MTUS2: variants seen among roughly 807,000 people sequenced by gnomAD.
MTUS2 encodes the protein microtubule associated scaffold protein 2.
In MTUS2, 40 loss-of-function variants were observed where a neutral mutation model predicts 114.1. That is an observed-to-expected ratio of 0.35 (90% CI 0.27 to 0.46). The LOEUF is 0.46. MTUS2 is among the 20% of genes least tolerant of loss of function. MTUS2 has a pLI of 1.00. For synonymous variants in MTUS2, 688 were observed against 672.0 expected (o/e 1.02, Z -0.37); for missense variants, 1,679 against 1,705.4 (o/e 0.98, Z 0.27).
At chr13:29,433,640 G>A (rs766512414) in intron 8 of MTUS2, among the ~76,000 whole-genome samples, 10 of 152,156 alleles carry the variant, frequency 6.6e-5, no homozygotes, top group Admixed American at 2.6e-4. Context: ...GAGTGCGATA[G>A]CCACAAAAGG....
At chr13:29,273,451 G>A (rs1476721890) in intron 5 of MTUS2, among the ~76,000 whole-genome samples, 2 of 152,162 alleles carry the variant, frequency 1.3e-5, no homozygotes, top group Admixed American at 1.3e-4. Flanking sequence ...AAGAACACTA[G>A]GAGTCTCTCA....
At chr13:29,270,648 G>C (rs943203060) in intron 5 of MTUS2, among the ~76,000 whole-genome samples, 53 of 152,330 alleles carry the variant, frequency 3.5e-4, no homozygotes, top group Admixed American at 1.4e-3. Context: ...GGCACGTGGG[G>C]CTGGTACCAT....
In MTUS2 at chr13:29,033,928, A is replaced by T. The variant is rs754241974; in HGVS notation, c.2249A>T (p.Tyr750Phe). ...PGKEEFCSPP[Y>F]AHYEVPPTFY... ...AAAGAAGAGTTTTGTTCTCCTCCCT[A>T]TGCTCATTATGAAGTCCCTCCAACT... Residue 750 changes from tyrosine to phenylalanine, a missense_variant, in exon 4 of 16, where the codon TAT becomes TTT. Around this residue, in one of 3 missense-constraint regions of MTUS2, gnomAD observed 822 missense variants for 899.7 expected, o/e 0.91. Coordinates refer to ENST00000612955, the MANE Select transcript of MTUS2 (RefSeq NM_001033602.4). The T allele has an allele frequency of 5.0e-6, 8 of 1,613,984 alleles. No homozygotes were observed. The Admixed American group carries it at 1.2e-4, about 24-fold the overall frequency.
chr13:29,244,704 C>T (rs948404163), intron 5 of MTUS2, among the ~76,000 whole-genome samples: 1 of 151,934 alleles, frequency 6.6e-6, no homozygotes, highest in Non-Finnish European at 1.5e-5. Flanking sequence ...CGCCTGTAAT[C>T]CCAGCACTTT....
At chr13:29,158,536 G>C (rs1454366057) in intron 5 of MTUS2, among the ~76,000 whole-genome samples, 6 of 151,736 alleles carry the variant, frequency 4.0e-5, no homozygotes, top group Non-Finnish European at 7.4e-5. Context: ...ATTCAAGAGA[G>C]CTGTTTTTCA....
intron 9 of MTUS2, among the ~76,000 whole-genome samples, chr13:29,466,708 C>T (rs920105948): frequency 1.3e-5 from 2 of 151,902 alleles, no homozygotes; most frequent in African/African-American, 2.4e-5. Flanking sequence ...GAAACCCCAT[C>T]TCTACCAAAC....
intron 1 of MTUS2, among the ~76,000 whole-genome samples, chr13:28,820,843 A>G (rs1431338749): frequency 6.6e-6 from 1 of 152,126 alleles, no homozygotes; most frequent in East Asian, 1.9e-4. Context: ...CAGGTTCAAC[A>G]CCCACTGCTT....
At chr13:29,440,595 G>A (rs757320159) in intron 9 of MTUS2, among the ~76,000 whole-genome samples, 3 of 152,086 alleles carry the variant, frequency 2.0e-5, no homozygotes, top group South Asian at 2.1e-4. Context: ...GGCTTTCACC[G>A]TAGGTCAAGG....
intron 8 of MTUS2, among the ~76,000 whole-genome samples, chr13:29,400,972 T>C (rs760876513): frequency 6.6e-5 from 10 of 152,148 alleles, no homozygotes; most frequent in Non-Finnish European, 1.0e-4. Context: ...CTATTGTATG[T>C]GTTGCAAATA....
At chr13:28,912,186 A>G (rs1460212709) in intron 2 of MTUS2, among the ~76,000 whole-genome samples, 1 of 152,090 alleles carries the variant, frequency 6.6e-6, no homozygotes, top group Non-Finnish European at 1.5e-5. Context: ...TAATTTTTGT[A>G]TATGGTGTAA....
intron 5 of MTUS2, among the ~76,000 whole-genome samples, chr13:29,158,328 C>T (rs1300658185): frequency 2.0e-5 from 2 of 100,714 alleles, no homozygotes; most frequent in East Asian, 7.4e-4. Context: ...TCATTCCCCG[C>T]CCCCCACCCC....
At chr13:29,214,247 G>A (rs1330097578) in intron 5 of MTUS2, among the ~76,000 whole-genome samples, 2 of 151,144 alleles carry the variant, frequency 1.3e-5, no homozygotes, top group Admixed American at 6.6e-5. Context: ...GAGCCTATGT[G>A]TGTCTTTGCA....
chr13:29,004,831 C>T (rs1024009921), intron 2 of MTUS2, among the ~76,000 whole-genome samples: 4 of 152,106 alleles, frequency 2.6e-5, no homozygotes, highest in Admixed American at 6.5e-5. Flanking sequence ...GAGCTGGAAG[C>T]CTAGTACAGA....
intron 2 of MTUS2, among the ~76,000 whole-genome samples, chr13:28,989,545 G>A (rs2138328939): frequency 6.6e-6 from 1 of 152,336 alleles, no homozygotes; most frequent in East Asian, 1.9e-4. Context: ...ACTTGTTGGG[G>A]ATGGGAATGG....
intron 5 of MTUS2, among the ~76,000 whole-genome samples, chr13:29,250,788 CTTA>C (rs2139429333): frequency 6.6e-6 from 1 of 152,210 alleles, no homozygotes; most frequent in South Asian, 2.1e-4. Context: ...TGGAAATTTT[CTTA>C]GTTAAGTACC....
intron 9 of MTUS2, among the ~76,000 whole-genome samples, chr13:29,442,195 G>T (rs182323251): frequency 7.2e-5 from 11 of 152,224 alleles, no homozygotes; most frequent in Admixed American, 7.2e-4. Context: ...AGAGGCCTAG[G>T]GTAGAGGTTC....
intron 5 of MTUS2, among the ~76,000 whole-genome samples, chr13:29,135,009 G>A (rs1035385700): frequency 2.6e-5 from 4 of 152,160 alleles, no homozygotes; most frequent in African/African-American, 9.7e-5. Context: ...ACCAAGGTCC[G>A]AAAATATTAA....
At chr13:29,253,709 G>C (rs564898997) in intron 5 of MTUS2, among the ~76,000 whole-genome samples, 1 of 152,128 alleles carries the variant, frequency 6.6e-6, no homozygotes, top group African/African-American at 2.4e-5. Flanking sequence ...CCTAAGACTG[G>C]ATAATTTATA....
At chr13:29,361,977 T>C (rs571262776) in intron 8 of MTUS2, among the ~76,000 whole-genome samples, 121 of 152,334 alleles carry the variant, frequency 7.9e-4, no homozygotes, top group African/African-American at 2.8e-3. Flanking sequence ...TGGTGAGACC[T>C]TGAGCAAGTT....
Sources: allele counts gnomAD v4.1 joint callset (sites outside exome capture counted in the v4.1 genomes callset), GRCh38; gene constraint gnomAD v4.1.1; regional missense constraint gnomAD v4.1.1; transcripts MANE v1.5; gene names NCBI Gene and HGNC (gene_info 2026-07-23, HGNC 2026-07-21).